STXBP5L: variants seen among roughly 807,000 people sequenced by gnomAD.
The protein encoded by STXBP5L is syntaxin-binding protein 5-like.
STXBP5L carries 65 observed loss-of-function variants against 144.5 expected under a neutral mutation model. That is an observed-to-expected ratio of 0.45 (90% CI 0.37 to 0.55). The LOEUF (loss-of-function observed/expected upper bound fraction) is 0.55. Among genes scored for constraint, STXBP5L ranks in the 20% least tolerant of loss-of-function variants. The probability of loss-of-function intolerance (pLI) is 0.00; values close to 1 mark genes in which losing one functional copy is unlikely to be tolerated. For missense variants in STXBP5L, 1,298 were observed against 1,405.5 expected (o/e 0.92, Z 1.22); for synonymous variants, 505 against 469.6 (o/e 1.08, Z -0.97).
chr3:121,074,287 C>G (rs1366464324), intron 5 of STXBP5L, among the ~76,000 whole-genome samples: 2 of 152,194 alleles, frequency 1.3e-5, no homozygotes, highest in Non-Finnish European at 2.9e-5. Flanking sequence ...GGAATTCACC[C>G]AAGCATTGTA....
At chr3:121,073,890 C>CTGAGAGA (rs1448120702) in intron 5 of STXBP5L, among the ~76,000 whole-genome samples, 1 of 152,192 alleles carries the variant, frequency 6.6e-6, no homozygotes, top group African/African-American at 2.4e-5. Context: ...CATGCTGCCC[C>CTGAGAGA]TGAGAGATGT....
chr3:121,053,490 G>A (rs1479938130), intron 5 of STXBP5L, among the ~76,000 whole-genome samples: 2 of 152,182 alleles, frequency 1.3e-5, no homozygotes, highest in Non-Finnish European at 2.9e-5. Flanking sequence ...AAGAAATGGG[G>A]AAAGGATTCC....
chr3:120,918,284 A>T (rs1046473656), intron 2 of STXBP5L, among the ~76,000 whole-genome samples: 7 of 152,112 alleles, frequency 4.6e-5, no homozygotes, highest in African/African-American at 1.4e-4. Flanking sequence ...TCCATCTGCA[A>T]CCTTAATTCC....
intron 9 of STXBP5L, among the ~76,000 whole-genome samples, chr3:121,202,704 A>G (rs542399132): frequency 1.3e-5 from 2 of 152,042 alleles, no homozygotes; most frequent in Admixed American, 6.6e-5. Context: ...TTTTTCTTCT[A>G]CTATTTTAAA....
intron 20 of STXBP5L, among the ~76,000 whole-genome samples, chr3:121,340,071 A>G (rs1576216878): frequency 1.3e-5 from 2 of 152,284 alleles, no homozygotes; most frequent in East Asian, 1.9e-4. Context: ...TTCATATGGA[A>G]CCAAAAAAGA....
intron 2 of STXBP5L, among the ~76,000 whole-genome samples, chr3:120,932,222 A>C (rs1245282083): frequency 1.3e-5 from 2 of 152,200 alleles, no homozygotes; most frequent in East Asian, 3.8e-4. Flanking sequence ...GTCATTATGC[A>C]GCACATGATG....
chr3:121,112,834 AAATAC>A (rs2044054303), intron 5 of STXBP5L, among the ~76,000 whole-genome samples: 1 of 152,230 alleles, frequency 6.6e-6, no homozygotes, highest in Admixed American at 6.5e-5. Context: ...TGTAATTATA[AAATAC>A]AATAAATTAA....
At chr3:121,077,606 G>A (rs1300503698) in intron 5 of STXBP5L, among the ~76,000 whole-genome samples, 1 of 152,076 alleles carries the variant, frequency 6.6e-6, no homozygotes, top group Non-Finnish European at 1.5e-5. Context: ...TGCTGGCTTG[G>A]GCAGCCTGCT....
chr3:120,925,638 C>T lies in STXBP5L; in HGVS notation c.189+15871C>T, dbSNP rs574640127. ...TTGGATAATTGAGTCCATTTACATTCAAGATAATTATTGATAAGTAAGGAT... is the reference window on the plus strand; with the variant it reads ...TTGGATAATTGAGTCCATTTACATTTAAGATAATTATTGATAAGTAAGGAT... On this transcript the variant is annotated intron_variant, in intron 2 of 26. Transcript: ENST00000471454. Among the ~76,000 whole-genome samples the T allele has an allele frequency of 2.0e-5, 3 of 152,268 alleles. No individual in the cohort carries two copies. The East Asian group carries it at 5.8e-4, about 29-fold the overall frequency.
chr3:121,254,920 A>G lies in STXBP5L; in HGVS notation c.1467A>G (p.Leu489=), dbSNP rs781159841. 1 of 1,613,140 alleles carries G rather than the reference A, an allele frequency of 6.2e-7. No individual in the cohort carries two copies. Residue 489 remains leucine (L), a synonymous_variant, in exon 16 of 27, where the codon CTA becomes CTG. Coordinates refer to ENST00000471454, the MANE Select transcript of STXBP5L (RefSeq NM_001308330.2). ...TAACTCTGCAGATGCTGTACAAGCT[A>G]AAAACTTCAAAAGTGTTTGAAAAAC... ...SAITLQMLYK[L]KTSKVFEKQK...
intron 3 of STXBP5L, among the ~76,000 whole-genome samples, chr3:121,023,046 G>T (rs1028146064): frequency 2.0e-5 from 3 of 151,998 alleles, no homozygotes; most frequent in African/African-American, 7.3e-5. Context: ...AATAGATTCA[G>T]CAAAGTTTCA....
At chr3:120,980,667 A>G (rs1024826929) in intron 3 of STXBP5L, among the ~76,000 whole-genome samples, 4 of 152,072 alleles carry the variant, frequency 2.6e-5, no homozygotes, top group Non-Finnish European at 4.4e-5. Context: ...CTGCCAATCT[A>G]TATCTTTCAA....
At chr3:121,023,327 A>T (rs536550871) in intron 3 of STXBP5L, among the ~76,000 whole-genome samples, 1 of 152,170 alleles carries the variant, frequency 6.6e-6, no homozygotes, top group Non-Finnish European at 1.5e-5. Context: ...TCCAAAAGCA[A>T]TCTACAAATT....
rs753305173 is a variant in STXBP5L at position 121,045,544 on chromosome 3, C to A, written c.470+9C>A. Reference sequence around the variant, plus strand: ...AAATTTAACCGGGAACGGTAAGAACCTATGAATTAAACAATTTCTTAATGT... The same window carrying A: ...AAATTTAACCGGGAACGGTAAGAACATATGAATTAAACAATTTCTTAATGT... On this transcript the variant is annotated intron_variant, in intron 5 of 26. Coordinates refer to ENST00000471454, the MANE Select transcript of STXBP5L (RefSeq NM_001308330.2). 19 of 1,598,216 alleles carry A rather than the reference C, an allele frequency of 1.2e-5. No individual in the cohort carries two copies. The South Asian group carries it at 1.9e-4, about 16-fold the overall frequency.
At chr3:120,969,570 T>G (rs1940004192) in intron 3 of STXBP5L, among the ~76,000 whole-genome samples, 1 of 151,962 alleles carries the variant, frequency 6.6e-6, no homozygotes, top group African/African-American at 2.4e-5. Context: ...CATTTATTTT[T>G]GGTTTTGTTG....
chr3:121,351,015 T>G (rs957915602), intron 20 of STXBP5L, among the ~76,000 whole-genome samples: 6 of 152,140 alleles, frequency 3.9e-5, no homozygotes, highest in Admixed American at 2.0e-4. Flanking sequence ...GCTACGTTCC[T>G]TTGGAGGAGG....
intron 20 of STXBP5L, among the ~76,000 whole-genome samples, chr3:121,348,803 A>T (rs1225088895): frequency 1.3e-5 from 2 of 151,908 alleles, no homozygotes; most frequent in Non-Finnish European, 2.9e-5. Flanking sequence ...CGGCGGTGAT[A>T]TCCCCTTTAT....
chr3:120,991,080 A>T (rs1469455215), intron 3 of STXBP5L, among the ~76,000 whole-genome samples: 12 of 152,058 alleles, frequency 7.9e-5, no homozygotes, highest in Non-Finnish European at 1.6e-4. Context: ...CAATCTACTC[A>T]TCTGACAAAG....
At chr3:121,090,114 T>C (rs907690221) in intron 5 of STXBP5L, among the ~76,000 whole-genome samples, 4 of 152,202 alleles carry the variant, frequency 2.6e-5, no homozygotes, top group African/African-American at 4.8e-5. Flanking sequence ...TTTCCTATTA[T>C]AATAAGTGAT....
Sources: allele counts gnomAD v4.1 joint callset (sites outside exome capture counted in the v4.1 genomes callset), GRCh38; gene constraint gnomAD v4.1.1; transcripts MANE v1.5; gene names NCBI Gene and HGNC (gene_info 2026-07-23, HGNC 2026-07-21).